SVEP1: variants seen among roughly 807,000 people sequenced by gnomAD.
SVEP1 encodes sushi, von Willebrand factor type A, EGF and pentraxin domain containing 1.
A neutral mutation model predicts 367.3 loss-of-function variants in SVEP1; 164 were observed. The observed-to-expected ratio is 0.45, with a 90% CI of 0.39 to 0.51. The LOEUF (loss-of-function observed/expected upper bound fraction) is 0.51, where lower values mean the gene tolerates loss of function less well. Among genes scored for constraint, SVEP1 ranks in the 20% least tolerant of loss-of-function variants. The pLI is 0.00. For synonymous variants in SVEP1, 1,666 were observed against 1,611.6 expected, an observed-to-expected ratio of 1.03 and a Z score of -0.81; for missense variants, 4,117 against 4,425.3, an observed-to-expected ratio of 0.93 and a Z score of 1.98.
chr9:110,382,771 T>A (rs542016217), intron 43 of SVEP1, among the ~76,000 whole-genome samples: 20 of 152,340 alleles, frequency 1.3e-4, no homozygotes, highest in African/African-American at 4.1e-4. Context: ...CCTTTCATTC[T>A]TTGTTCTCTA....
At chr9:110,562,585 C>A (rs1288772309) in intron 1 of SVEP1, among the ~76,000 whole-genome samples, 1 of 152,184 alleles carries the variant, frequency 6.6e-6, no homozygotes, top group Non-Finnish European at 1.5e-5. Flanking sequence ...GAGGTACTTA[C>A]ATAATATGAC....
chr9:110,403,365 C>T (rs111779837), intron 39 of SVEP1, among the ~76,000 whole-genome samples: 10,449 of 121,924 alleles, frequency 0.086, 668 homozygotes, highest in African/African-American at 0.19. Flanking sequence ...AGTGCAGTGG[C>T]GCAATCTCGG....
At position 110,408,530 on chromosome 9, in the gene SVEP1, C is replaced by G; in HGVS notation, c.7070G>C (p.Gly2357Ala). The G allele has an allele frequency of 2.5e-6, 4 of 1,613,710 alleles. No individual in the cohort carries two copies. Among genetic ancestry groups the G allele is most frequent in the Non-Finnish European group, 3.4e-6 (4 of 1,179,818 alleles). Residue 2357 changes from glycine (G) to alanine (A), a missense_variant, in exon 38 of 48, where the codon GGC becomes GCC. This residue lies in a region of SVEP1 where 1,765 missense variants were observed against 1,781.1 expected (regional missense o/e 0.99). Transcript: ENST00000374469. ...FSCKEGHVLQ[G>A]PSVLKCLPSQ... Reference sequence around the variant, plus strand: ...TGGCAAGCATTTCAGGACAGAGGGGCCTTGCAGGACATGCCCTTCTTTACA... The same window carrying G: ...TGGCAAGCATTTCAGGACAGAGGGGGCTTGCAGGACATGCCCTTCTTTACA...
chr9:110,441,171 G>T (rs545703880), intron 27 of SVEP1, among the ~76,000 whole-genome samples: 2 of 152,302 alleles, frequency 1.3e-5, no homozygotes, highest in South Asian at 4.1e-4. Context: ...AGAAGCAAAG[G>T]ATGATAGACC....
At chr9:110,560,936 G>T (rs1312077691) in intron 1 of SVEP1, among the ~76,000 whole-genome samples, 9 of 152,130 alleles carry the variant, frequency 5.9e-5, no homozygotes, top group Admixed American at 5.9e-4. Context: ...TGCCATCAAA[G>T]TTATCTTTCT....
At chr9:110,449,982 T>C (rs980046431) in intron 24 of SVEP1, 77 bp downstream of exon 24, 27 of 1,502,740 alleles carry the variant, frequency 1.8e-5, no homozygotes, top group Non-Finnish European at 2.4e-5. Context: ...CTCAAAGCAA[T>C]ACTCCATAAA....
chr9:110,387,220 G>T, intron 42 of SVEP1, 65 bp downstream of exon 42: 2 of 1,472,540 alleles, frequency 1.4e-6, no homozygotes, highest in Non-Finnish European at 1.8e-6. Context: ...TCTATGTTTT[G>T]GATATGCGGG....
intron 6 of SVEP1, among the ~76,000 whole-genome samples, 190 bp downstream of exon 6, chr9:110,502,848 T>C (rs1282833379): frequency 6.6e-6 from 1 of 150,894 alleles, no homozygotes; most frequent in Non-Finnish European, 1.5e-5. Flanking sequence ...ATTGTAGAAG[T>C]TCCTTTACTA....
Position 110,406,388 on chromosome 9 carries a change from G to A in SVEP1, c.9212C>T (p.Pro3071Leu). 4 of 1,614,052 alleles carry A rather than the reference G, an allele frequency of 2.5e-6. No homozygotes were observed. Among genetic ancestry groups the A allele is most frequent in the Non-Finnish European group, 3.4e-6 (4 of 1,179,906 alleles). ...HTSCGSLPMIPNAFISETSSW... is the reference protein window; with the variant it reads ...HTSCGSLPMILNAFISETSSW... ...GCTGGTCTCACTGATGAACGCATTT[G>A]GTATCATTGGAAGAGAACCACAAGA... The change falls in exon 38 of 48, where the codon CCA becomes CTA. Residue 3071 changes from proline to leucine, a missense_variant. Pro to Leu is a moderately conservative substitution (Grantham distance 98). Transcript: ENST00000374469.
At chr9:110,400,184 C>G (rs1208880155) in intron 40 of SVEP1, among the ~76,000 whole-genome samples, 1 of 152,196 alleles carries the variant, frequency 6.6e-6, no homozygotes, top group Non-Finnish European at 1.5e-5. Flanking sequence ...CTTTGCATAC[C>G]TAAATCCTTG....
intron 39 of SVEP1, among the ~76,000 whole-genome samples, chr9:110,403,379 A>ACTGCAACCT (rs1827899292): frequency 1.6e-5 from 2 of 128,242 alleles, no homozygotes; most frequent in South Asian, 5.0e-4. Flanking sequence ...ATCTCGGTTC[A>ACTGCAACCT]CTGCAACCTC....
chr9:110,383,386 G>A lies in SVEP1; in HGVS notation c.10237+2512C>T, dbSNP rs1827470114. ...GACCCTATTTGCCTGGGTCGCACCT[G>A]CACCTGAAGGTGTTACCAGCGGACG... On this transcript the variant is annotated intron_variant, in intron 43 of 47. Transcript: ENST00000374469. 2.0e-5 allele frequency among the ~76,000 whole-genome samples: 3 copies of A among 152,280 alleles called. No homozygotes were observed. In the South Asian group the frequency reaches 6.2e-4, roughly 32 times the overall value.
chr9:110,524,992 G>A (rs536491895), intron 3 of SVEP1, among the ~76,000 whole-genome samples: 33 of 152,146 alleles, frequency 2.2e-4, no homozygotes, highest in African/African-American at 7.7e-4. Flanking sequence ...GACTTCAGGT[G>A]TGAGCCACAA....
In SVEP1 at chr9:110,489,734, G is replaced by A. The variant is rs141669300; in HGVS notation, c.1846C>T (p.Pro616Ser). Reference sequence around the variant, plus strand: ...TATACGATAGCAACATCTCCAATTGGGAAAAGGTAAGGTGGGGTGAAAGCT... The same window carrying A: ...TATACGATAGCAACATCTCCAATTGAGAAAAGGTAAGGTGGGGTGAAAGCT... ...HPAFTPPYLF[P>S]IGDVAIVYTA... Residue 616 changes from proline (P) to serine (S), a missense_variant, in exon 9 of 48, where the codon CCA (proline) becomes TCA (serine). By Grantham distance (74) the Pro-to-Ser change is moderately conservative (BLOSUM62 -1). Around this residue, in one of 4 missense-constraint regions of SVEP1, gnomAD observed 2,174 missense variants for 2,494.3 expected, o/e 0.87. Transcript: ENST00000374469. The A allele has an allele frequency of 6.9e-5, 112 of 1,613,492 alleles. 2 individuals are homozygous for A. In the African/African-American group the frequency reaches 1.2e-3, roughly 17 times the overall value.
intron 12 of SVEP1, 89 bp from the exon 13 acceptor site, chr9:110,479,845 T>C: frequency 1.3e-6 from 2 of 1,493,320 alleles, no homozygotes; most frequent in Non-Finnish European, 1.8e-6. Context: ...AACAATGTTT[T>C]AATTCTAACA....
rs141366246 is a variant in SVEP1 at position 110,497,453 on chromosome 9, A to G, written c.1682-520T>C. Among the ~76,000 whole-genome samples, 472 of 152,270 alleles carry G rather than the reference A, an allele frequency of 3.1e-3. 4 individuals carry two copies. The highest frequency in any genetic ancestry group is 0.011 in the African/African-American group (449 of 41,546). On this transcript the variant is annotated intron_variant, in intron 7 of 47. Transcript: ENST00000374469. ...TTTTGAAATTGAATTTTCTCCCCCA[A>G]TAGAATTTAAGTTATTTGAAGGTCA...
intron 40 of SVEP1, among the ~76,000 whole-genome samples, chr9:110,398,754 T>C (rs548003057): frequency 3.9e-5 from 6 of 152,324 alleles, no homozygotes; most frequent in Admixed American, 3.9e-4. Context: ...ATGCTCATCA[T>C]CACTGGCCAT....
intron 18 of SVEP1, among the ~76,000 whole-genome samples, chr9:110,462,245 T>C (rs1022623161): frequency 1.3e-5 from 2 of 152,058 alleles, no homozygotes; most frequent in African/African-American, 4.8e-5. Context: ...TAAGATGTAA[T>C]AGTAATAAAA....
intron 3 of SVEP1, among the ~76,000 whole-genome samples, chr9:110,541,451 C>A (rs1371877462): frequency 2.6e-5 from 4 of 152,050 alleles, no homozygotes; most frequent in African/African-American, 9.7e-5. Context: ...AGGTGCAAGG[C>A]CTGTGCGCCA....
Sources: allele counts gnomAD v4.1 joint callset (sites outside exome capture counted in the v4.1 genomes callset), GRCh38; gene constraint gnomAD v4.1.1; regional missense constraint gnomAD v4.1.1; transcripts MANE v1.5; gene names NCBI Gene and HGNC (gene_info 2026-07-23, HGNC 2026-07-21).